The following BET1 variants were observed in gnomAD, a reference collection of about 807,000 sequenced individuals.
BET1 encodes the protein BET1 homolog.
BET1 carries 9 observed loss-of-function variants against 13.9 expected under a neutral mutation model. The ratio of observed to expected loss-of-function variants is 0.65; its 90% confidence interval spans 0.39 to 1.13. BET1 has a LOEUF of 1.13. BET1 is among the 50% of genes most tolerant of loss of function. The pLI is 0.01. For missense variants in BET1, 127 were observed against 133.6 expected, an observed-to-expected ratio of 0.95 and a Z score of 0.24; for synonymous variants, 39 against 47.3, an observed-to-expected ratio of 0.82 and a Z score of 0.72.
rs745385088 is a variant in BET1, at chr7:93,993,552, T to C, written c.*678A>G. 3.8e-5 allele frequency: 39 copies of C among 1,030,180 alleles called. No homozygotes were observed. The highest frequency in any genetic ancestry group is 4.3e-5 in the Non-Finnish European group (37 of 856,626). 63.8% of individuals were successfully genotyped at this position (1,030,180 alleles called of 1,614,324 possible). ...AATCATAAAACTATTATAAGCCAAG[T>C]CAAGAGAATTCATAAAGTTAATATG... On this transcript the variant is annotated 3_prime_UTR_variant, in exon 4 of 4. Transcript: ENST00000222547.
At chr7:93,999,943 T>C (rs551879803) in intron 1 of BET1, among the ~76,000 whole-genome samples, 1 of 152,194 alleles carries the variant, frequency 6.6e-6, no homozygotes, top group Non-Finnish European at 1.5e-5. Flanking sequence ...GTGCTACTTT[T>C]ATGGAACTCT....
In BET1 at chr7:93,994,321, G is replaced by A. The variant is rs1385315175; in HGVS notation, c.266C>T (p.Ser89Phe). The part of the protein sequence containing the change: ...GKTMGKLKIL[S>F]RGSQTKLLCY... ...CAGCAGCTTTGTTTGGCTCCCTCTG[G>A]ATAAAATCTTCAGTTTGCCCATAGT... Residue 89 changes from serine (S) to phenylalanine (F), a missense_variant, in exon 4 of 4, where the codon TCC (serine) becomes TTC (phenylalanine). Ser to Phe is a radical substitution (Grantham distance 155, BLOSUM62 -2). Coordinates refer to ENST00000222547, the MANE Select transcript of BET1 (RefSeq NM_005868.6). 3 of 1,613,688 alleles carry A rather than the reference G, an allele frequency of 1.9e-6. No individual in the cohort carries two copies. The highest frequency in any genetic ancestry group is 1.7e-6 in the Non-Finnish European group (2 of 1,179,776).
intron 1 of BET1, among the ~76,000 whole-genome samples, chr7:94,003,026 C>T (rs1795944756): frequency 6.6e-6 from 1 of 152,160 alleles, no homozygotes; most frequent in Admixed American, 6.5e-5. Flanking sequence ...TACTCCCCAC[C>T]TAGACTGGAA....
chr7:93,983,694 G>T (rs926927351), intron 4 of BET1, among the ~76,000 whole-genome samples: 3 of 151,910 alleles, frequency 2.0e-5, no homozygotes, highest in Non-Finnish European at 2.9e-5. Flanking sequence ...CCTCATTCAG[G>T]TTGCTGCTTC....
At chr7:93,980,413 C>T (rs928107183) in intron 4 of BET1, among the ~76,000 whole-genome samples, 2 of 152,092 alleles carry the variant, frequency 1.3e-5, no homozygotes, top group African/African-American at 4.8e-5. Context: ...TTAAATTTAA[C>T]AGCATATTAA....
downstream of BET1, chr7:93,992,550 G>A (rs991612714): frequency 1.3e-5 from 13 of 985,288 alleles, no homozygotes; most frequent in East Asian, 1.1e-4. Flanking sequence ...TTGACACAAA[G>A]TACAGTTAAA....
At chr7:93,998,284 G>A (rs887542825) in intron 2 of BET1, among the ~76,000 whole-genome samples, 1 of 152,196 alleles carries the variant, frequency 6.6e-6, no homozygotes, top group African/African-American at 2.4e-5. Context: ...GGGAGTGCAG[G>A]ATGCAAGTTT....
chr7:93,981,622 T>C (rs1247830218), intron 4 of BET1, among the ~76,000 whole-genome samples: 1 of 152,208 alleles, frequency 6.6e-6, no homozygotes, highest in African/African-American at 2.4e-5. Flanking sequence ...GATTCTCATA[T>C]AAATTCTCCA....
At position 93,999,174 on chromosome 7, in the gene BET1, T is replaced by C. The variant is rs770502307; in HGVS notation, c.140A>G (p.Lys47Arg). 6.3e-5 allele frequency: 102 copies of C among 1,609,634 alleles called. No individual in the cohort carries two copies. Among genetic ancestry groups the C allele is most frequent in the Non-Finnish European group, 8.6e-5 (101 of 1,177,028 alleles). Residue 47 changes from lysine to arginine, a missense_variant, in exon 2 of 4, where the codon AAA (lysine) becomes AGA (arginine). Physicochemically the swap from Lys to Arg is conservative, Grantham distance 26 (BLOSUM62 2). Transcript: ENST00000222547. ...TAATATTTGTTATATACTTACAGATTTTATAGCAGTTACTTTGCTTCTCAG... is the reference window on the plus strand; with the variant it reads ...TAATATTTGTTATATACTTACAGATCTTATAGCAGTTACTTTGCTTCTCAG... ...ESLRSKVTAI[K>R]SLSIEIGHEV...
exon 7 of BET1, chr7:93,964,803 T>C (rs1213368041): frequency 6.6e-6 from 1 of 152,024 alleles, no homozygotes; most frequent in African/African-American, 2.4e-5. Flanking sequence ...AAATGGCTAT[T>C]ATTAAAAAGT....
At chr7:93,992,545 A>G (rs564228792), downstream of BET1, 24 of 985,382 alleles carry the variant, frequency 2.4e-5, no homozygotes, top group African/African-American at 4.0e-4. Flanking sequence ...CATACTTGAC[A>G]CAAAGTACAG....
At chr7:93,974,167 G>A (rs559943134) in intron 5 of BET1, among the ~76,000 whole-genome samples, 16 of 151,908 alleles carry the variant, frequency 1.1e-4, no homozygotes, top group Admixed American at 2.0e-4. Flanking sequence ...TATTGGATTG[G>A]AATTGTAGAT....
intron 5 of BET1, chr7:93,972,733 A>G (rs1405333931): frequency 1.3e-5 from 2 of 151,896 alleles, no homozygotes; most frequent in African/African-American, 4.8e-5. Context: ...CTATTCTAAA[A>G]TAAGAATCCC....
At chr7:94,002,729 G>C (rs1016399066) in intron 1 of BET1, among the ~76,000 whole-genome samples, 2 of 152,134 alleles carry the variant, frequency 1.3e-5, no homozygotes, top group African/African-American at 4.8e-5. Flanking sequence ...CGCATGCAAA[G>C]ATCTCCACAG....
chr7:93,964,603 T>C (rs1175171015), exon 7 of BET1: 1 of 152,052 alleles, frequency 6.6e-6, no homozygotes, highest in East Asian at 1.9e-4. Context: ...CCAGAATCTT[T>C]AAGGAACTTA....
chr7:93,966,391 T>C (rs1203933266), intron 6 of BET1, among the ~76,000 whole-genome samples: 1 of 152,018 alleles, frequency 6.6e-6, no homozygotes, highest in Admixed American at 6.6e-5. Context: ...TTTTAATGAA[T>C]TTGAACAATA....
At chr7:93,976,942 T>G (rs1461816359) in intron 4 of BET1, among the ~76,000 whole-genome samples, 2 of 152,182 alleles carry the variant, frequency 1.3e-5, no homozygotes, top group Non-Finnish European at 2.9e-5. Context: ...GTTTAACATT[T>G]GTGACTTACT....
chr7:94,001,483 A>G (rs1227833474), intron 1 of BET1, among the ~76,000 whole-genome samples: 2 of 152,176 alleles, frequency 1.3e-5, no homozygotes, highest in African/African-American at 4.8e-5. Flanking sequence ...CACAAAAACC[A>G]CAACAAAATA....
In BET1 at chr7:93,993,608, A is replaced by G. The variant is rs1417325392; in HGVS notation, c.*622T>C. 9 of 1,228,770 alleles carry G rather than the reference A, an allele frequency of 7.3e-6. No individual in the cohort carries two copies. In the East Asian group the frequency reaches 3.3e-4, roughly 46 times the overall value. 76.1% of individuals were successfully genotyped at this position (1,228,770 alleles called of 1,614,324 possible). A position where few individuals can be genotyped will look rare whatever the true frequency, so the allele number is the denominator to read the frequency against. ...ATAACTATACTGATACACATGTGCA[A>G]TGGGCCCTACCAGAAATATGCCAAA... On this transcript the variant is annotated 3_prime_UTR_variant, in exon 4 of 4. Coordinates refer to ENST00000222547, the MANE Select transcript of BET1 (RefSeq NM_005868.6).
Sources: allele counts gnomAD v4.1 joint callset (sites outside exome capture counted in the v4.1 genomes callset), GRCh38; gene constraint gnomAD v4.1.1; transcripts MANE v1.5; gene names NCBI Gene and HGNC (gene_info 2026-07-23, HGNC 2026-07-21).